The following SAMHD1 variants were observed in gnomAD, a reference collection of about 807,000 sequenced individuals.
The protein encoded by SAMHD1 is deoxynucleoside triphosphate triphosphohydrolase SAMHD1.
A neutral mutation model predicts 79.6 loss-of-function variants in SAMHD1; 54 were observed. The ratio of observed to expected loss-of-function variants is 0.68; its 90% CI spans 0.55 to 0.85. The LOEUF (loss-of-function observed/expected upper bound fraction) is 0.85. SAMHD1 is among the 40% of genes least tolerant of loss of function. The pLI is 0.00. For synonymous variants in SAMHD1, 260 were observed against 264.1 expected, an observed-to-expected ratio of 0.98 and a Z score of 0.15; for missense variants, 663 against 782.7, an observed-to-expected ratio of 0.85 and a Z score of 1.82.
In SAMHD1 at chr20:36,916,755, TACTTCAC is replaced by T. The variant is rs2063478568; in HGVS notation, c.1022_1028del (p.Cys341Ter). 2 of 1,613,978 alleles carry T rather than the reference TACTTCAC, an allele frequency of 1.2e-6. No homozygotes were observed. The highest frequency in any genetic ancestry group is 8.5e-7 in the Non-Finnish European group (1 of 1,179,872). On this transcript the variant is annotated frameshift_variant, in exon 9 of 16. Coordinates refer to ENST00000646673, the MANE Select transcript of SAMHD1 (RefSeq NM_015474.4). LOFTEE classifies it high-confidence loss of function. The stretch of plus-strand genomic sequence containing the variant: ...TAGCACAAATACGCAACTCATTGTC[TACTTCAC>T]AGACACGGGCAAACTTAATAAAGCG...
Position 36,915,913 on chromosome 20 carries a change from A to C in SAMHD1, c.1062+809T>G, listed in dbSNP as rs539063061. ...CTTGGCTCATGCCTGTAATCCCAGC[A>C]CTTTGGGAGGCCGAGGCGGGCAGAT... On this transcript the variant is annotated intron_variant, in intron 9 of 15. Transcript: ENST00000646673. Among the ~76,000 whole-genome samples, 5 of 152,192 alleles carry C rather than the reference A, an allele frequency of 3.3e-5. No homozygotes were observed. The East Asian group carries it at 9.7e-4, about 29-fold the overall frequency.
intron 15 of SAMHD1, chr20:36,894,057 C>A (rs1034022362): frequency 2.3e-5 from 9 of 396,948 alleles, no homozygotes; most frequent in Non-Finnish European, 4.0e-5. Flanking sequence ...TGGACTCCCA[C>A]CTGCTCCCTT....
rs778400853 is a variant in SAMHD1, at chr20:36,951,420, C to A, written c.208+16G>T. ...GGTCGCCGCCCTTCGCCCCTCAGCCCCTCCGGAGCCGCTACCTCGGATGTT... is the reference window on the plus strand; with the variant it reads ...GGTCGCCGCCCTTCGCCCCTCAGCCACTCCGGAGCCGCTACCTCGGATGTT... On this transcript the variant is annotated intron_variant, in intron 1 of 15. Transcript: ENST00000646673. 2.5e-6 allele frequency: 4 copies of A among 1,613,202 alleles called. No homozygotes were observed. The East Asian group carries it at 6.7e-5, about 27-fold the overall frequency.
chr20:36,930,729 C>T (rs2063563221), intron 5 of SAMHD1, 31 bp downstream of exon 5: 3 of 1,436,136 alleles, frequency 2.1e-6, no homozygotes, highest in Non-Finnish European at 2.9e-6. Flanking sequence ...TATGATTTTA[C>T]ATAACAACTT....
chr20:36,951,389 G>A, intron 1 of SAMHD1, 47 bp downstream of exon 1: 1 of 1,608,178 alleles, frequency 6.2e-7, no homozygotes, highest in Non-Finnish European at 8.5e-7. Context: ...CCTGGCCCGC[G>A]CCCCAGGTCG....
At chr20:36,945,923 A>T (rs1037987573) in intron 2 of SAMHD1, among the ~76,000 whole-genome samples, 4 of 151,946 alleles carry the variant, frequency 2.6e-5, no homozygotes, top group African/African-American at 7.2e-5. Flanking sequence ...ATAAATAAAT[A>T]AAATTAAAAA....
At chr20:36,914,510 C>G (rs1423078753) in intron 9 of SAMHD1, among the ~76,000 whole-genome samples, 2 of 151,866 alleles carry the variant, frequency 1.3e-5, no homozygotes, top group African/African-American at 4.8e-5. Context: ...GCCACTGCGC[C>G]CAGCTAATTT....
intron 12 of SAMHD1, 127 bp downstream of exon 12, chr20:36,905,237 T>A: frequency 9.6e-7 from 1 of 1,046,660 alleles, no homozygotes; most frequent in Non-Finnish European, 1.5e-6. Flanking sequence ...CCTGCACTAC[T>A]GTGAAGATTA....
intron 12 of SAMHD1, chr20:36,904,672 G>A (rs923233572): frequency 6.5e-5 from 16 of 247,248 alleles, no homozygotes; most frequent in African/African-American, 1.4e-4. Flanking sequence ...AGCTGAGATC[G>A]CGCCACTGCA....
At chr20:36,908,000 G>A (rs1014287196) in intron 11 of SAMHD1, among the ~76,000 whole-genome samples, 1 of 151,658 alleles carries the variant, frequency 6.6e-6, no homozygotes, top group African/African-American at 2.4e-5. Context: ...CTCAGTCTCC[G>A]AGTAGCTGGG....
Position 36,919,539 on chromosome 20 carries a change from T to C in SAMHD1, c.697-20A>G, listed in dbSNP as rs777384729. ...TTCATGCTAGGAAAAGTAAGCACAA[T>C]ATGATGTGTTAAAGATTCTAGCCCA... is the stretch of plus-strand genomic sequence containing the variant. On this transcript the variant is annotated intron_variant, in intron 6 of 15. Coordinates refer to ENST00000646673, the MANE Select transcript of SAMHD1 (RefSeq NM_015474.4). The C allele has an allele frequency of 4.3e-6, 7 of 1,611,788 alleles. 1 individual carries two copies. In the South Asian group the frequency reaches 7.7e-5, roughly 18 times the overall value.
At chr20:36,932,688 A>T (rs998247194) in intron 4 of SAMHD1, among the ~76,000 whole-genome samples, 1 of 151,814 alleles carries the variant, frequency 6.6e-6, no homozygotes, top group Non-Finnish European at 1.5e-5. Flanking sequence ...AAGTGCTGGG[A>T]TTCCAGGTGT....
intron 14 of SAMHD1, among the ~76,000 whole-genome samples, 161 bp from the exon 15 acceptor site, chr20:36,898,120 C>T (rs1165252476): frequency 1.3e-5 from 2 of 152,166 alleles, no homozygotes; most frequent in African/African-American, 4.8e-5. Flanking sequence ...AAGCCTTGAC[C>T]TCCCAGGCAC....
At position 36,904,251 on chromosome 20, in the gene SAMHD1, T is replaced by C. The variant is rs515726141; in HGVS notation, c.1411-2A>G. The C allele has an allele frequency of 1.9e-6, 3 of 1,601,060 alleles. No individual in the cohort carries two copies. The highest frequency in any genetic ancestry group is 2.6e-6 in the Non-Finnish European group (3 of 1,168,262). On this transcript the variant is annotated splice_acceptor_variant, in intron 12 of 15. Coordinates refer to ENST00000646673, the MANE Select transcript of SAMHD1 (RefSeq NM_015474.4). LOFTEE classifies it high-confidence loss of function. ...TTTTGGAAGAGATTCATAGTCCTCC[T>C]GGAAAACACAAGACTCCCCATGTTA...
chr20:36,911,245 C>A lies in SAMHD1; in HGVS notation c.1243G>T (p.Asp415Tyr). The A allele has an allele frequency of 6.2e-7, 1 of 1,612,880 alleles. No individual in the cohort carries two copies. The highest frequency in any genetic ancestry group is 8.5e-7 in the Non-Finnish European group (1 of 1,179,362). The change falls in exon 11 of 16, where the codon GAC becomes TAC. Residue 415 changes from aspartate (D) to tyrosine (Y), a missense_variant. Asp to Tyr is a radical substitution (Grantham distance 160). Coordinates refer to ENST00000646673, the MANE Select transcript of SAMHD1 (RefSeq NM_015474.4). The part of the protein sequence containing the change: ...KKYRISTAID[D>Y]MEAYTKLTDN... ...GTCAGCTTAGTATAGGCTTCCATGTCGTCAATTGCTGTAGAAATGCGATAC... is the reference window on the plus strand; with the variant it reads ...GTCAGCTTAGTATAGGCTTCCATGTAGTCAATTGCTGTAGAAATGCGATAC...
At chr20:36,919,581 A>G in intron 6 of SAMHD1, 62 bp from the exon 7 acceptor site, 1 of 1,473,162 alleles carries the variant, frequency 6.8e-7, no homozygotes, top group South Asian at 1.2e-5. Context: ...GCCCTGACTA[A>G]CAAAATTATC....
chr20:36,895,066 TCTA>T (rs1045503757), intron 15 of SAMHD1, among the ~76,000 whole-genome samples: 8 of 152,002 alleles, frequency 5.3e-5, no homozygotes, highest in African/African-American at 1.9e-4. Flanking sequence ...TTCTACTCAT[TCTA>T]CTTTCAGTTC....
intron 3 of SAMHD1, among the ~76,000 whole-genome samples, chr20:36,938,144 G>A (rs1016993487): frequency 6.6e-6 from 1 of 152,004 alleles, no homozygotes; most frequent in Non-Finnish European, 1.5e-5. Flanking sequence ...CTGGGATTAC[G>A]GGTGTGAGCC....
intron 2 of SAMHD1, among the ~76,000 whole-genome samples, chr20:36,945,903 C>CAATA (rs1301098358): frequency 8.1e-4 from 122 of 151,026 alleles, no homozygotes; most frequent in African/African-American, 2.2e-3. Flanking sequence ...GACTCTGTCT[C>CAATA]AATAAATAAA....
Sources: allele counts gnomAD v4.1 joint callset (sites outside exome capture counted in the v4.1 genomes callset), GRCh38; gene constraint gnomAD v4.1.1; transcripts MANE v1.5; gene names NCBI Gene and HGNC (gene_info 2026-07-23, HGNC 2026-07-21).